MYH14: variants seen among roughly 807,000 people sequenced by gnomAD.
MYH14 encodes myosin heavy chain 14.
A neutral mutation model predicts 255.5 loss-of-function variants in MYH14; 123 were observed. The ratio of observed to expected loss-of-function variants is 0.48; its 90% confidence interval spans 0.42 to 0.56. MYH14 has a LOEUF of 0.56. Among genes scored for constraint, MYH14 ranks in the 20% least tolerant of loss-of-function variants. The pLI is 0.00. For synonymous variants in MYH14, 1,095 were observed against 1,161.2 expected (o/e 0.94, Z 1.16); for missense variants, 2,423 against 2,802.3 (o/e 0.86, Z 3.06).
At chr19:50,308,363 GC>G (rs1355164012) in intron 41 of MYH14, 1 of 152,160 alleles carries the variant, frequency 6.6e-6, no homozygotes. Flanking sequence ...CCCTACAAGG[GC>G]CCTTCCTAGA....
chr19:50,210,791 G>A (rs1356207273), intron 2 of MYH14, 21 bp downstream of exon 2: 2 of 1,544,832 alleles, frequency 1.3e-6, no homozygotes, highest in Non-Finnish European at 1.7e-6. Flanking sequence ...TCCTGCTGGG[G>A]GGCGCGTGCG....
intron 10 of MYH14, among the ~76,000 whole-genome samples, chr19:50,241,232 T>A (rs2033880029): frequency 6.6e-6 from 1 of 151,970 alleles, no homozygotes. Context: ...GTCAAGAGAT[T>A]GAGACCATCC....
chr19:50,307,600 T>A (rs1243515604), intron 41 of MYH14, among the ~76,000 whole-genome samples: 1 of 152,210 alleles, frequency 6.6e-6, no homozygotes, highest in Non-Finnish European at 1.5e-5. Context: ...ATTATTTAGC[T>A]GGTAAGAGGT....
intron 1 of MYH14, among the ~76,000 whole-genome samples, chr19:50,208,546 A>G (rs1215621599): frequency 1.3e-5 from 2 of 152,220 alleles, no homozygotes; most frequent in African/African-American, 4.8e-5. Flanking sequence ...AACAAAAACC[A>G]TACTATCTAA....
intron 33 of MYH14, among the ~76,000 whole-genome samples, chr19:50,282,537 A>G (rs1486695114): frequency 6.6e-6 from 1 of 152,176 alleles, no homozygotes; most frequent in Non-Finnish European, 1.5e-5. Flanking sequence ...CCCCGTCTCT[A>G]CTAAAATACA....
intron 40 of MYH14, among the ~76,000 whole-genome samples, chr19:50,306,767 T>C (rs1028586560): frequency 4.6e-5 from 7 of 152,128 alleles, no homozygotes; most frequent in African/African-American, 1.4e-4. Context: ...AATGATCCTC[T>C]TTGGAAACTG....
At chr19:50,235,663 C>T (rs1484224448) in intron 10 of MYH14, among the ~76,000 whole-genome samples, 2 of 151,856 alleles carry the variant, frequency 1.3e-5, no homozygotes, top group Non-Finnish European at 2.9e-5. Flanking sequence ...TGGTGCAAAT[C>T]TGTAGTCCCA....
chr19:50,225,604 T>G lies in MYH14; in HGVS notation c.737T>G (p.Leu246Arg). The G allele has an allele frequency of 6.2e-7, 1 of 1,613,110 alleles. No homozygotes were observed. Among genetic ancestry groups the G allele is most frequent in the Non-Finnish European group, 8.5e-7 (1 of 1,179,770 alleles). The change falls in exon 7 of 43, where the codon CTG becomes CGG. Residue 246 changes from leucine to arginine, a missense_variant. Coordinates refer to ENST00000642316, the MANE Select transcript of MYH14 (RefSeq NM_001145809.2). The part of the protein sequence containing the change: ...TVSYGELERQ[L>R]LQANPILEAF... ...CGGCAGGGTGAGCTGGAGCGGCAGC[T>G]GCTTCAGGCCAACCCCATCCTAGAG...
At chr19:50,234,095 C>T (rs539360932) in intron 10 of MYH14, among the ~76,000 whole-genome samples, 34 of 152,226 alleles carry the variant, frequency 2.2e-4, no homozygotes, top group African/African-American at 7.9e-4. Context: ...GCTGGGATTA[C>T]AGGCATGAGC....
rs772690371 is a variant in MYH14, at chr19:50,309,753, C to G, written c.6074C>G (p.Pro2025Arg). ...GCACAGCCTGGGTCTGGGCCATCCC[C>G]GGAGCCTGAGGGGTCCCCACCAGCC... is the stretch of plus-strand genomic sequence containing the variant. ...EEAQPGSGPS[P>R]EPEGSPPAHP... The change falls in exon 43 of 43, where the codon CCG (proline) becomes CGG (arginine). Residue 2025 changes from proline to arginine, a missense_variant. Transcript: ENST00000642316. 5.0e-6 allele frequency: 8 copies of G among 1,590,832 alleles called. No individual in the cohort carries two copies. The African/African-American group carries it at 6.7e-5, about 13-fold the overall frequency.
intron 10 of MYH14, among the ~76,000 whole-genome samples, chr19:50,233,615 C>T (rs1376200120): frequency 1.3e-5 from 2 of 152,144 alleles, no homozygotes; most frequent in Admixed American, 6.6e-5. Flanking sequence ...GGAGGCCAGA[C>T]GCCCGGGATC....
rs1313005275 is a variant in MYH14 at position 50,223,241 on chromosome 19, C to T, written c.591-6C>T. On this transcript the variant is annotated splice_region_variant and splice_polypyrimidine_tract_variant and intron_variant, in intron 4 of 42. Transcript: ENST00000642316. Reference sequence around the variant, plus strand: ...ACCCCTTTGCTTCCCCTTGTCATCCCCACAGTGGAGAGTCTGGAGCTGGGA... The same window carrying T: ...ACCCCTTTGCTTCCCCTTGTCATCCTCACAGTGGAGAGTCTGGAGCTGGGA... 6.2e-7 allele frequency: 1 copy of T among 1,613,492 alleles called. No individual in the cohort carries two copies. Among genetic ancestry groups the T allele is most frequent in the Non-Finnish European group, 8.5e-7 (1 of 1,179,522 alleles).
intron 39 of MYH14, among the ~76,000 whole-genome samples, chr19:50,295,871 G>A (rs2036247288): frequency 6.6e-6 from 1 of 152,118 alleles, no homozygotes; most frequent in African/African-American, 2.4e-5. Flanking sequence ...CTAGCACTTT[G>A]GGAGGCTGAG....
chr19:50,276,728 C>G lies in MYH14; in HGVS notation c.3681-29C>G. 1.9e-6 allele frequency: 3 copies of G among 1,612,962 alleles called. No individual in the cohort carries two copies. Among genetic ancestry groups the G allele is most frequent in the Non-Finnish European group, 2.5e-6 (3 of 1,179,800 alleles). On this transcript the variant is annotated intron_variant, in intron 28 of 42. Transcript: ENST00000642316. The surrounding 1 kb of genome is among the most constrained non-coding windows in gnomAD (Gnocchi z 4.3). Reference sequence around the variant, plus strand: ...CCCTGCCTTCCTCTGCTCTGAAATTCCCATCCTCTCTCCTTTCCCCCAATA... The same window carrying G: ...CCCTGCCTTCCTCTGCTCTGAAATTGCCATCCTCTCTCCTTTCCCCCAATA...
intron 10 of MYH14, among the ~76,000 whole-genome samples, chr19:50,236,258 G>A (rs1281603798): frequency 1.3e-5 from 2 of 152,010 alleles, no homozygotes; most frequent in African/African-American, 2.4e-5. Context: ...TCTTGAGCCC[G>A]GGAGGTGGAG....
chr19:50,249,889 A>G, intron 14 of MYH14, 66 bp downstream of exon 14: 9 of 1,585,830 alleles, frequency 5.7e-6, no homozygotes, highest in Non-Finnish European at 7.7e-6. Flanking sequence ...CATCTGCGAG[A>G]CCAGGGTCTA....
chr19:50,287,704 C>T (rs1469643882), intron 34 of MYH14, among the ~76,000 whole-genome samples: 1 of 152,168 alleles, frequency 6.6e-6, no homozygotes, highest in Non-Finnish European at 1.5e-5. Flanking sequence ...TGAGCCACTG[C>T]ACCTTGCTGA....
At chr19:50,249,163 G>A in intron 13 of MYH14, 24 bp downstream of exon 13, 1 of 1,549,832 alleles carries the variant, frequency 6.5e-7, no homozygotes, top group Non-Finnish European at 8.7e-7. Flanking sequence ...CTGGGAGGGG[G>A]ATGCCAACTT....
chr19:50,208,639 ATG>A, intron 1 of MYH14, among the ~76,000 whole-genome samples: 1 of 152,324 alleles, frequency 6.6e-6, no homozygotes, highest in East Asian at 1.9e-4. Context: ...CAGATGTGTA[ATG>A]TAACATTTTC....
Sources: allele counts gnomAD v4.1 joint callset (sites outside exome capture counted in the v4.1 genomes callset), GRCh38; gene constraint gnomAD v4.1.1; non-coding constraint Gnocchi (gnomAD v3.1); transcripts MANE v1.5; gene names NCBI Gene and HGNC (gene_info 2026-07-23, HGNC 2026-07-21).